THSD7A: variants seen among roughly 807,000 people sequenced by gnomAD.
THSD7A encodes the protein thrombospondin type-1 domain-containing protein 7A.
A neutral mutation model predicts 231.3 loss-of-function variants in THSD7A; 96 were observed. The ratio of observed to expected loss-of-function variants is 0.41; its 90% CI spans 0.35 to 0.49. THSD7A has a LOEUF of 0.49. Ranked by LOEUF, THSD7A falls within the 20% of genes least tolerant of loss-of-function variation. The pLI is 0.05. For missense variants in THSD7A, 2,290 were observed against 2,070.2 expected (o/e 1.11, Z -2.06); for synonymous variants, 940 against 743.3 (o/e 1.26, Z -4.30).
At chr7:11,763,345 G>T (rs1043310350) in intron 1 of THSD7A, among the ~76,000 whole-genome samples, 1 of 151,874 alleles carries the variant, frequency 6.6e-6, no homozygotes, top group African/African-American at 2.4e-5. Context: ...CACTTCTCAG[G>T]GTAATACTTT....
At chr7:11,451,550 G>T (rs1785144185) in intron 11 of THSD7A, among the ~76,000 whole-genome samples, 1 of 151,908 alleles carries the variant, frequency 6.6e-6, no homozygotes, top group Non-Finnish European at 1.5e-5. Context: ...CTACTTTTGT[G>T]TATCTTTGAA....
chr7:11,457,243 C>A (rs1162449402), intron 11 of THSD7A, among the ~76,000 whole-genome samples: 1 of 151,980 alleles, frequency 6.6e-6, no homozygotes, highest in East Asian at 1.9e-4. Context: ...CTGAATATTT[C>A]CACTTGGCTA....
chr7:11,694,907 T>C (rs1682445260), intron 1 of THSD7A, among the ~76,000 whole-genome samples: 1 of 151,546 alleles, frequency 6.6e-6, no homozygotes, highest in Non-Finnish European at 1.5e-5. Context: ...TCTTTCATAT[T>C]GTAATGATGT....
Position 11,474,295 on chromosome 7 carries a change from T to C in THSD7A, c.2252+39A>G, listed in dbSNP as rs138737370. 104 of 1,545,722 alleles carry C rather than the reference T, an allele frequency of 6.7e-5. 1 individual carries two copies. In the East Asian group the frequency reaches 2.3e-3, roughly 35 times the overall value. ...AGCCTGAGCCAATCCTCTGCACAGG[T>C]GGCTACACGATTTACTGTTGTCATT... On this transcript the variant is annotated intron_variant, in intron 8 of 27. Transcript: ENST00000423059. This position sits in a 1 kb window ranked among gnomAD's most constrained non-coding sequence, Gnocchi z 4.1.
At chr7:11,607,191 G>A (rs1377858802) in intron 2 of THSD7A, among the ~76,000 whole-genome samples, 1 of 152,056 alleles carries the variant, frequency 6.6e-6, no homozygotes, top group Non-Finnish European at 1.5e-5. Flanking sequence ...TATAACGCTA[G>A]TAGGAAATAT....
intron 1 of THSD7A, among the ~76,000 whole-genome samples, chr7:11,677,447 G>T (rs1007955622): frequency 6.6e-6 from 1 of 150,636 alleles, no homozygotes; most frequent in Non-Finnish European, 1.5e-5. Flanking sequence ...CAGACTAAAT[G>T]GACTAAATGA....
Position 11,600,764 on chromosome 7 carries a change from T to C in THSD7A, c.1023-7262A>G, listed in dbSNP as rs75460405. Among the ~76,000 whole-genome samples the C allele has an allele frequency of 2.9e-3, 439 of 152,364 alleles. 1 individual carries two copies. Among genetic ancestry groups the C allele is most frequent in the African/African-American group, 1.0e-2 (414 of 41,590 alleles). On this transcript the variant is annotated intron_variant, in intron 2 of 27. Transcript: ENST00000423059. ...CTGTGGTAATCAACCATAGAGATGC[T>C]GGTCCATTTTAATGCAACAACTCAT...
chr7:11,817,912 CAT>C (rs1266769125), intron 1 of THSD7A, among the ~76,000 whole-genome samples: 1 of 152,034 alleles, frequency 6.6e-6, no homozygotes, highest in Non-Finnish European at 1.5e-5. Context: ...TGCACACAAA[CAT>C]ATATTTATTT....
chr7:11,688,434 T>C (rs1188473447), intron 1 of THSD7A, among the ~76,000 whole-genome samples: 1 of 151,806 alleles, frequency 6.6e-6, no homozygotes, highest in Non-Finnish European at 1.5e-5. Flanking sequence ...TATAGCCTAA[T>C]GGAGAGAACA....
At chr7:11,667,372 T>C (rs564571785) in intron 1 of THSD7A, among the ~76,000 whole-genome samples, 1 of 152,180 alleles carries the variant, frequency 6.6e-6, no homozygotes, top group South Asian at 2.1e-4. Context: ...TTTTAGATTT[T>C]CTTGTGAAAT....
intron 1 of THSD7A, among the ~76,000 whole-genome samples, chr7:11,742,532 A>G (rs1193448551): frequency 6.6e-6 from 1 of 151,832 alleles, no homozygotes; most frequent in Non-Finnish European, 1.5e-5. Context: ...TGTTCCAAGA[A>G]CCTTTATGTT....
At chr7:11,689,110 C>A (rs1048272476) in intron 1 of THSD7A, among the ~76,000 whole-genome samples, 3 of 151,740 alleles carry the variant, frequency 2.0e-5, no homozygotes, top group African/African-American at 4.8e-5. Flanking sequence ...TTGACAATGA[C>A]AATGTAAGCT....
chr7:11,623,488 T>C (rs563281981), intron 2 of THSD7A, among the ~76,000 whole-genome samples: 1 of 152,158 alleles, frequency 6.6e-6, no homozygotes, highest in Admixed American at 6.6e-5. Flanking sequence ...AAAATTGCCA[T>C]GCCACACTCT....
At chr7:11,604,582 T>C (rs1438890011) in intron 2 of THSD7A, among the ~76,000 whole-genome samples, 3 of 152,168 alleles carry the variant, frequency 2.0e-5, no homozygotes, top group Non-Finnish European at 2.9e-5. Flanking sequence ...GATTTATTTT[T>C]ACAGACAAGG....
intron 1 of THSD7A, among the ~76,000 whole-genome samples, chr7:11,751,546 T>C (rs553228975): frequency 1.3e-5 from 2 of 152,028 alleles, no homozygotes; most frequent in East Asian, 2.0e-4. Context: ...ACGCAGAGTG[T>C]ACCAGAGTCC....
At chr7:11,756,452 A>G (rs1028351526) in intron 1 of THSD7A, among the ~76,000 whole-genome samples, 6 of 152,072 alleles carry the variant, frequency 3.9e-5, no homozygotes, top group African/African-American at 1.4e-4. Flanking sequence ...AGAAGTGGGG[A>G]GAGAAATTCT....
At chr7:11,791,197 A>C (rs1783942715) in intron 1 of THSD7A, among the ~76,000 whole-genome samples, 1 of 152,012 alleles carries the variant, frequency 6.6e-6, no homozygotes. Context: ...TCAATACATA[A>C]ACGTAATTTG....
At chr7:11,762,570 A>C (rs1240716735) in intron 1 of THSD7A, among the ~76,000 whole-genome samples, 1 of 152,054 alleles carries the variant, frequency 6.6e-6, no homozygotes, top group Non-Finnish European at 1.5e-5. Context: ...CCCACTTTTC[A>C]ATAAATCAGG....
At chr7:11,717,791 G>T (rs1781194007) in intron 1 of THSD7A, among the ~76,000 whole-genome samples, 1 of 151,346 alleles carries the variant, frequency 6.6e-6, no homozygotes, top group Non-Finnish European at 1.5e-5. Flanking sequence ...TTATTTTTTG[G>T]TCCTTTCCCT....
Sources: allele counts gnomAD v4.1 joint callset (sites outside exome capture counted in the v4.1 genomes callset), GRCh38; gene constraint gnomAD v4.1.1; non-coding constraint Gnocchi (gnomAD v3.1); transcripts MANE v1.5; gene names NCBI Gene and HGNC (gene_info 2026-07-23, HGNC 2026-07-21).